The following DCLK1 variants were observed in gnomAD, a reference collection of about 807,000 sequenced individuals.
DCLK1 encodes the protein serine/threonine-protein kinase DCLK1.
Under a neutral mutation model 86.2 loss-of-function variants are expected in DCLK1, and 16 were observed. That is an observed-to-expected ratio of 0.19 (90% CI 0.13 to 0.28). The LOEUF (loss-of-function observed/expected upper bound fraction) is 0.28. Ranked by LOEUF, DCLK1 falls within the 10% of genes least tolerant of loss-of-function variation. DCLK1 has a pLI of 1.00. For missense variants in DCLK1, 590 were observed against 940.2 expected (o/e 0.63, Z 4.87); for synonymous variants, 369 against 370.5 (o/e 1.00, Z 0.05).
intron 3 of DCLK1, among the ~76,000 whole-genome samples, chr13:36,007,593 A>T (rs556960133): frequency 1.3e-5 from 2 of 152,346 alleles, no homozygotes; most frequent in South Asian, 4.1e-4. Context: ...AACTACACTA[A>T]GGGAACCGGA....
chr13:36,050,496 C>A lies in DCLK1; in HGVS notation c.723+61373G>T, dbSNP rs531853219. ...GGGAGAATTGAGTGCCAACCAGCAC[C>A]AGAAGATCACAAAATCCTAATTTGG... On this transcript the variant is annotated intron_variant, in intron 3 of 16. Coordinates refer to ENST00000360631, the MANE Select transcript of DCLK1 (RefSeq NM_001330071.2). 3.3e-5 allele frequency among the ~76,000 whole-genome samples: 5 copies of A among 152,138 alleles called. No homozygotes were observed. In the South Asian group the frequency reaches 1.0e-3, roughly 32 times the overall value.
At position 36,111,655 on chromosome 13, in the gene DCLK1, T is replaced by G. The variant is rs548828292; in HGVS notation, c.723+214A>C. Among the ~76,000 whole-genome samples the G allele has an allele frequency of 2.6e-5, 4 of 152,326 alleles. No homozygotes were observed. In the South Asian group the frequency reaches 8.3e-4, roughly 32 times the overall value. On this transcript the variant is annotated intron_variant, in intron 3 of 16. Transcript: ENST00000360631. ...AAATCACTGAGTAATTATTTAATCT[T>G]CAAAGATATGCATTTTTTTCTTACT...
intron 3 of DCLK1, among the ~76,000 whole-genome samples, chr13:36,084,211 G>C (rs74828815): frequency 0.023 from 3,518 of 152,128 alleles, 41 homozygotes; most frequent in South Asian, 0.061. Flanking sequence ...AGAATGAAAA[G>C]GTAAGGAAAA....
At chr13:35,879,056 GATTATAGGC>G (rs1167747870) in intron 4 of DCLK1, among the ~76,000 whole-genome samples, 1 of 152,082 alleles carries the variant, frequency 6.6e-6, no homozygotes, top group Non-Finnish European at 1.5e-5. Flanking sequence ...AAAGTGCTGG[GATTATAGGC>G]ATGGCCACCA....
At chr13:35,800,652 T>A (rs1175744519) in intron 15 of DCLK1, among the ~76,000 whole-genome samples, 1 of 152,180 alleles carries the variant, frequency 6.6e-6, no homozygotes, top group Non-Finnish European at 1.5e-5. Context: ...TAGGTTTTCC[T>A]TTCTGCTGCC....
At chr13:36,025,263 C>T (rs933642784) in intron 3 of DCLK1, among the ~76,000 whole-genome samples, 2 of 152,138 alleles carry the variant, frequency 1.3e-5, no homozygotes, top group Non-Finnish European at 2.9e-5. Context: ...CCACTGTGCC[C>T]AGCTGGTCAA....
chr13:36,035,347 A>G lies in DCLK1; in HGVS notation c.723+76522T>C, dbSNP rs530067093. On this transcript the variant is annotated intron_variant, in intron 3 of 16. Coordinates refer to ENST00000360631, the MANE Select transcript of DCLK1 (RefSeq NM_001330071.2). ...CCTAAGATTGAAAACTTAATTTGGAACCAAAACCTATGTCTTACTACCCAC... is the reference window on the plus strand; with the variant it reads ...CCTAAGATTGAAAACTTAATTTGGAGCCAAAACCTATGTCTTACTACCCAC... Among the ~76,000 whole-genome samples the G allele has an allele frequency of 6.6e-5, 10 of 152,302 alleles. No individual in the cohort carries two copies. The East Asian group carries it at 1.5e-3, about 24-fold the overall frequency.
At chr13:35,943,053 T>C (rs1877171960) in intron 4 of DCLK1, among the ~76,000 whole-genome samples, 1 of 152,222 alleles carries the variant, frequency 6.6e-6, no homozygotes, top group East Asian at 1.9e-4. Flanking sequence ...CCTGGTACCT[T>C]TGAATGAATC....
intron 6 of DCLK1, chr13:35,848,372 C>A: frequency 2.0e-6 from 2 of 985,008 alleles, no homozygotes; most frequent in Non-Finnish European, 2.4e-6. Context: ...AAAAAGAGAT[C>A]TCAAAGACTA....
intron 4 of DCLK1, among the ~76,000 whole-genome samples, chr13:35,897,458 C>T (rs2153121238): frequency 6.6e-6 from 1 of 152,174 alleles, no homozygotes; most frequent in African/African-American, 2.4e-5. Context: ...TTAGGAGCTC[C>T]ATAAATAGCC....
At chr13:35,848,927 T>C in intron 6 of DCLK1, 1 of 985,388 alleles carries the variant, frequency 1.0e-6, no homozygotes, top group Non-Finnish European at 1.2e-6. Flanking sequence ...TAAAGCAGCC[T>C]TTTGATCTCA....
chr13:35,850,851 CTGAA>C (rs762154156), intron 6 of DCLK1: 29 of 1,263,954 alleles, frequency 2.3e-5, no homozygotes, highest in Non-Finnish European at 3.0e-5. Flanking sequence ...GAGAGCAGCA[CTGAA>C]TGGGCATCCC....
chr13:35,973,925 GGGAT>G (rs1362477602), intron 3 of DCLK1, among the ~76,000 whole-genome samples: 1 of 152,152 alleles, frequency 6.6e-6, no homozygotes, highest in African/African-American at 2.4e-5. Flanking sequence ...TGGCAGGAAA[GGGAT>G]GATGTCAGTG....
chr13:36,096,400 A>C lies in DCLK1; in HGVS notation c.723+15469T>G, dbSNP rs550614883. On this transcript the variant is annotated intron_variant, in intron 3 of 16. Transcript: ENST00000360631. ...GGAATCCAAAGGCCAGCAGCATCTT[A>C]ACACTGAAGTACAAAGGCATTTTCA... 1.1e-3 allele frequency among the ~76,000 whole-genome samples: 163 copies of C among 152,348 alleles called. 1 individual carries two copies. Among genetic ancestry groups the C allele is most frequent in the African/African-American group, 3.8e-3 (156 of 41,584 alleles).
At chr13:35,868,473 TG>T (rs1429999383) in intron 5 of DCLK1, among the ~76,000 whole-genome samples, 1 of 152,170 alleles carries the variant, frequency 6.6e-6, no homozygotes, top group African/African-American at 2.4e-5. Context: ...GCCCCACACT[TG>T]TTTTTTTATT....
chr13:35,857,946 G>A lies in DCLK1; in HGVS notation c.941-3353C>T, dbSNP rs564386011. 8.5e-5 allele frequency among the ~76,000 whole-genome samples: 13 copies of A among 152,328 alleles called. No individual in the cohort carries two copies. In the East Asian group the frequency reaches 1.2e-3, roughly 14 times the overall value. On this transcript the variant is annotated intron_variant, in intron 5 of 16. Coordinates refer to ENST00000360631, the MANE Select transcript of DCLK1 (RefSeq NM_001330071.2). ...CAGGAATGAGATGGAGGCAGGGGCCGCATAGTGAGTAGTGCTTTAAAATTC... is the reference window on the plus strand; with the variant it reads ...CAGGAATGAGATGGAGGCAGGGGCCACATAGTGAGTAGTGCTTTAAAATTC...
At position 36,042,844 on chromosome 13, in the gene DCLK1, T is replaced by C. The variant is rs577357174; in HGVS notation, c.723+69025A>G. ...AGAATTTTTTGTCTGTTCTGTTCCA[T>C]TTTAATAACTTTTCTTTCTAAATGA... On this transcript the variant is annotated intron_variant, in intron 3 of 16. Transcript: ENST00000360631. Among the ~76,000 whole-genome samples the C allele has an allele frequency of 7.9e-5, 12 of 152,352 alleles. No individual in the cohort carries two copies. In the South Asian group the frequency reaches 8.3e-4, roughly 11 times the overall value.
chr13:35,835,495 T>G (rs1869299852), intron 8 of DCLK1, among the ~76,000 whole-genome samples: 1 of 152,220 alleles, frequency 6.6e-6, no homozygotes, highest in Non-Finnish European at 1.5e-5. Flanking sequence ...CGTCCTCCAT[T>G]AGGTATCTAG....
chr13:36,047,666 G>A (rs1882967474), intron 3 of DCLK1, among the ~76,000 whole-genome samples: 1 of 151,896 alleles, frequency 6.6e-6, no homozygotes, highest in South Asian at 2.1e-4. Context: ...GAGTAGAAAG[G>A]TGGTTACCAG....
Sources: gnomAD v4.1 joint callset for allele counts (sites outside exome capture counted in the v4.1 genomes callset) on GRCh38, gnomAD v4.1.1 for gene constraint, MANE v1.5 for transcripts, NCBI Gene and HGNC (gene_info 2026-07-23, HGNC 2026-07-21) for gene names.